Variants in MS4A3 observed in about 807,000 individuals in gnomAD.
MS4A3 encodes the protein membrane-spanning 4-domains subfamily A member 3.
Under a neutral mutation model 24.7 loss-of-function variants are expected in MS4A3, and 18 were observed. That is an observed-to-expected ratio of 0.73 (90% CI 0.50 to 1.08). The LOEUF is 1.08. Ranked by LOEUF, MS4A3 falls within the 50% of genes least tolerant of loss-of-function variation. MS4A3 has a pLI of 0.00. For missense variants in MS4A3, 282 were observed against 251.7 expected, an observed-to-expected ratio of 1.12 and a Z score of -0.82; for synonymous variants, 84 against 95.3, an observed-to-expected ratio of 0.88 and a Z score of 0.69.
intron 6 of MS4A3, 101 bp from the exon 7 acceptor site, chr11:60,070,103 A>C: frequency 3.0e-6 from 3 of 1,014,150 alleles, no homozygotes; most frequent in Non-Finnish European, 3.1e-6. Flanking sequence ...ACATCAATGA[A>C]TGGATTTTAT....
intron 4 of MS4A3, among the ~76,000 whole-genome samples, chr11:60,066,653 T>C (rs1482375001): frequency 6.6e-6 from 1 of 152,232 alleles, no homozygotes; most frequent in Non-Finnish European, 1.5e-5. Context: ...CTCCTCTCTT[T>C]GGATTCCCAG....
Position 60,063,584 on chromosome 11 carries a change from G to A in MS4A3, c.295-678G>A, listed in dbSNP as rs375906426. ...GTCCTTTGTTAGATGTATAGATTGTGAAGATTTTCTCCCACTCTATGGGTT... is the reference window on the plus strand; with the variant it reads ...GTCCTTTGTTAGATGTATAGATTGTAAAGATTTTCTCCCACTCTATGGGTT... On this transcript the variant is annotated intron_variant, in intron 3 of 6. Coordinates refer to ENST00000278865, the MANE Select transcript of MS4A3 (RefSeq NM_006138.5). 2.0e-5 allele frequency among the ~76,000 whole-genome samples: 3 copies of A among 152,232 alleles called. No homozygotes were observed. In the East Asian group the frequency reaches 5.8e-4, roughly 29 times the overall value.
chr11:60,067,504 C>T (rs371849134), intron 5 of MS4A3, among the ~76,000 whole-genome samples: 7 of 152,004 alleles, frequency 4.6e-5, no homozygotes, highest in South Asian at 2.1e-4. Flanking sequence ...CGTGAGCCAC[C>T]GCGCCCATCC....
Position 60,067,083 on chromosome 11 carries a change from C to G in MS4A3, c.484C>G (p.Leu162Val). Reference protein sequence around the residue: ...SCHSSSESPDLCNYMGSISNG... With the variant: ...SCHSSSESPDVCNYMGSISNG... ...TCACTCTTCATCAGAGTCACCGGACCTATGCAATTACATGGGCTCCATATC... is the reference window on the plus strand; with the variant it reads ...TCACTCTTCATCAGAGTCACCGGACGTATGCAATTACATGGGCTCCATATC... The change falls in exon 5 of 7, where the codon CTA (leucine) becomes GTA (valine). Residue 162 changes from leucine to valine, a missense_variant. Leu to Val is a conservative substitution (Grantham distance 32). Coordinates refer to ENST00000278865, the MANE Select transcript of MS4A3 (RefSeq NM_006138.5). The G allele has an allele frequency of 6.2e-7, 1 of 1,609,650 alleles. No individual in the cohort carries two copies. Among genetic ancestry groups the G allele is most frequent in the Non-Finnish European group, 8.5e-7 (1 of 1,178,920 alleles).
chr11:60,062,700 A>T, intron 3 of MS4A3, 95 bp downstream of exon 3: 1 of 1,414,918 alleles, frequency 7.1e-7, no homozygotes, highest in South Asian at 1.5e-5. Context: ...AGGTTATTGG[A>T]AGGTTGCATG....
At chr11:60,063,802 C>T (rs770500212) in intron 3 of MS4A3, among the ~76,000 whole-genome samples, 19 of 152,004 alleles carry the variant, frequency 1.2e-4, no homozygotes, top group Non-Finnish European at 2.2e-4. Context: ...CACTTATAAG[C>T]GGGAGCTAAG....
intron 4 of MS4A3, among the ~76,000 whole-genome samples, chr11:60,066,298 A>G (rs1855359982): frequency 6.6e-6 from 1 of 152,212 alleles, no homozygotes; most frequent in African/African-American, 2.4e-5. Flanking sequence ...CCTTGCTAGA[A>G]ACAGTGATCC....
chr11:60,060,924 G>A, intron 1 of MS4A3: 1 of 354,644 alleles, frequency 2.8e-6, no homozygotes, highest in Non-Finnish European at 5.0e-6. Context: ...CCAAAGTTAA[G>A]TGAAGCACCA....
intron 5 of MS4A3, among the ~76,000 whole-genome samples, chr11:60,068,652 A>G (rs1308789616): frequency 6.6e-6 from 1 of 152,024 alleles, no homozygotes; most frequent in African/African-American, 2.4e-5. Flanking sequence ...ATTTCATCCC[A>G]GTGATCTATG....
chr11:60,066,222 A>G (rs796336545), intron 4 of MS4A3, among the ~76,000 whole-genome samples: 8 of 152,300 alleles, frequency 5.3e-5, no homozygotes, highest in African/African-American at 1.9e-4. Flanking sequence ...TATTGATGAC[A>G]TTTCATCCAA....
intron 6 of MS4A3, among the ~76,000 whole-genome samples, 161 bp from the exon 7 acceptor site, chr11:60,070,043 G>A (rs934865246): frequency 4.6e-5 from 7 of 151,992 alleles, no homozygotes; most frequent in Admixed American, 2.0e-4. Flanking sequence ...CTCTTCTAAT[G>A]TTTGTTGTGA....
chr11:60,069,166 A>C (rs1855431305), intron 5 of MS4A3, among the ~76,000 whole-genome samples: 1 of 152,162 alleles, frequency 6.6e-6, no homozygotes, highest in Non-Finnish European at 1.5e-5. Flanking sequence ...TTCTAGGGAT[A>C]ATGTAAATGC....
chr11:60,069,831 G>A (rs1171864006), intron 6 of MS4A3, among the ~76,000 whole-genome samples, 156 bp downstream of exon 6: 1 of 152,132 alleles, frequency 6.6e-6, no homozygotes, highest in Non-Finnish European at 1.5e-5. Flanking sequence ...ATGGAATGAA[G>A]GGTAGAAAAG....
Position 60,069,669 on chromosome 11 carries a change from AAG to A in MS4A3, c.614_615del (p.Glu205GlyfsTer21). ...GGTGCAATGCAAACTGCTGTAATTCAAGAGAGGTGAGATTTTTCAAATGATTA... is the reference window on the plus strand; with the variant it reads ...GGTGCAATGCAAACTGCTGTAATTCAAGAGGTGAGATTTTTCAAATGATTA... The part of the protein sequence containing the change: ...MWCNANCCNS[R>X]EEISSPPNSV On this transcript the variant is annotated frameshift_variant, in exon 6 of 7. Transcript: ENST00000278865. LOFTEE classifies it high-confidence loss of function. The A allele has an allele frequency of 1.9e-6, 3 of 1,608,592 alleles. No homozygotes were observed. The highest frequency in any genetic ancestry group is 2.2e-5 in the South Asian group (2 of 90,902).
At chr11:60,062,710 G>A in intron 3 of MS4A3, 105 bp downstream of exon 3, 1 of 1,306,080 alleles carries the variant, frequency 7.7e-7, no homozygotes, top group Non-Finnish European at 1.0e-6. Context: ...AAGGTTGCAT[G>A]CTGTGGTTTT....
chr11:60,063,668 G>T (rs1855313419), intron 3 of MS4A3, among the ~76,000 whole-genome samples: 1 of 152,084 alleles, frequency 6.6e-6, no homozygotes, highest in East Asian at 1.9e-4. Flanking sequence ...GTTTAATTAG[G>T]TCCCAGCTAT....
chr11:60,068,657 TCTATGAA>T (rs1855418338), intron 5 of MS4A3, among the ~76,000 whole-genome samples: 1 of 152,178 alleles, frequency 6.6e-6, no homozygotes, highest in Admixed American at 6.5e-5. Flanking sequence ...ATCCCAGTGA[TCTATGAA>T]CTGTTAATTA....
At chr11:60,068,238 CTT>C (rs71456407) in intron 5 of MS4A3, among the ~76,000 whole-genome samples, 5 of 103,900 alleles carry the variant, frequency 4.8e-5, no homozygotes, top group African/African-American at 3.8e-5. Flanking sequence ...ATAACCTTAC[CTT>C]TTTTTTTTTT....
chr11:60,066,877 G>T, intron 4 of MS4A3, 74 bp from the exon 5 acceptor site: 1 of 1,183,850 alleles, frequency 8.4e-7, no homozygotes, highest in South Asian at 1.7e-5. Context: ...ATCAATGTTT[G>T]TTTCAATGAA....
Sources: allele counts gnomAD v4.1 joint callset (sites outside exome capture counted in the v4.1 genomes callset), GRCh38; gene constraint gnomAD v4.1.1; transcripts MANE v1.5; gene names NCBI Gene and HGNC (gene_info 2026-07-23, HGNC 2026-07-21).